Variants in RIMS2 observed in about 807,000 individuals in gnomAD.
RIMS2 encodes regulating synaptic membrane exocytosis 2.
Under a neutral mutation model 174.4 loss-of-function variants are expected in RIMS2, and 59 were observed. The ratio of observed to expected loss-of-function variants is 0.34; its 90% CI spans 0.27 to 0.42. RIMS2 has a LOEUF of 0.42. Ranked by LOEUF, RIMS2 falls within the 10% of genes least tolerant of loss-of-function variation. RIMS2 has a pLI of 1.00. For missense variants in RIMS2, 1,620 were observed against 1,666.3 expected (o/e 0.97, Z 0.48); for synonymous variants, 606 against 572.5 (o/e 1.06, Z -0.84).
At chr8:104,061,025 G>T (rs1305449818) in intron 19 of RIMS2, among the ~76,000 whole-genome samples, 1 of 152,122 alleles carries the variant, frequency 6.6e-6, no homozygotes, top group African/African-American at 2.4e-5. Context: ...GCAGTGTGGT[G>T]CTGAAAAAAA....
intron 1 of RIMS2, among the ~76,000 whole-genome samples, chr8:103,534,473 T>A (rs1028831778): frequency 1.3e-5 from 2 of 152,238 alleles, no homozygotes; most frequent in African/African-American, 4.8e-5. Context: ...AAGGCAAATG[T>A]CTAGAGAAGT....
chr8:103,870,746 A>C (rs1239873904), intron 3 of RIMS2, among the ~76,000 whole-genome samples: 1 of 151,638 alleles, frequency 6.6e-6, no homozygotes, highest in Non-Finnish European at 1.5e-5. Context: ...ATGTTGTTTC[A>C]TTCTCTTCCA....
At chr8:103,532,070 A>G (rs1356932092) in intron 1 of RIMS2, among the ~76,000 whole-genome samples, 6 of 152,256 alleles carry the variant, frequency 3.9e-5, no homozygotes, top group Non-Finnish European at 8.8e-5. Context: ...CTCCCTGATT[A>G]AGTTATGTCA....
At chr8:103,854,493 T>G (rs1375217626) in intron 3 of RIMS2, among the ~76,000 whole-genome samples, 1 of 151,994 alleles carries the variant, frequency 6.6e-6, no homozygotes, top group Non-Finnish European at 1.5e-5. Flanking sequence ...TGGCTGTGGG[T>G]TTGTCATAGA....
chr8:103,944,212 A>G (rs1189618437), intron 14 of RIMS2, among the ~76,000 whole-genome samples: 1 of 152,108 alleles, frequency 6.6e-6, no homozygotes, highest in African/African-American at 2.4e-5. Flanking sequence ...CTCCCCACAT[A>G]GTAAACACCC....
chr8:103,751,806 C>A (rs1164503396), intron 2 of RIMS2, among the ~76,000 whole-genome samples: 1 of 150,618 alleles, frequency 6.6e-6, no homozygotes, highest in Non-Finnish European at 1.5e-5. Context: ...TTGTTTTTTT[C>A]TTGTAAATTT....
At chr8:103,859,308 A>G (rs2099045898) in intron 3 of RIMS2, among the ~76,000 whole-genome samples, 1 of 152,176 alleles carries the variant, frequency 6.6e-6, no homozygotes, top group African/African-American at 2.4e-5. Flanking sequence ...CAATCTGAGT[A>G]ATAAATCTGG....
chr8:103,978,405 A>G (rs1156966076), intron 16 of RIMS2, among the ~76,000 whole-genome samples: 1 of 118,590 alleles, frequency 8.4e-6, no homozygotes, highest in African/African-American at 2.6e-5. Flanking sequence ...AGTGTCATAA[A>G]GGACAAAGAA....
At chr8:104,125,420 ATTCT>A (rs1403159410) in intron 19 of RIMS2, among the ~76,000 whole-genome samples, 1 of 152,128 alleles carries the variant, frequency 6.6e-6, no homozygotes, top group East Asian at 1.9e-4. Context: ...CTTATATCAG[ATTCT>A]TTATGAGGTT....
intron 1 of RIMS2, among the ~76,000 whole-genome samples, chr8:103,601,485 C>G (rs1157787829): frequency 6.9e-6 from 1 of 145,222 alleles, no homozygotes; most frequent in East Asian, 1.9e-4. Flanking sequence ...AATATAGTGA[C>G]TTCTCCTCTT....
chr8:103,741,698 C>G (rs2097763322), intron 2 of RIMS2, among the ~76,000 whole-genome samples: 1 of 152,006 alleles, frequency 6.6e-6, no homozygotes, highest in Non-Finnish European at 1.5e-5. Context: ...TTTTAGCGTC[C>G]CTGCCGATTA....
intron 19 of RIMS2, among the ~76,000 whole-genome samples, chr8:104,147,475 CTT>C (rs891342344): frequency 6.7e-6 from 1 of 149,720 alleles, no homozygotes; most frequent in African/African-American, 2.4e-5. Context: ...ATAGAAAACA[CTT>C]TTTTTTTTCT....
chr8:103,508,324 G>A (rs959696996), intron 1 of RIMS2, among the ~76,000 whole-genome samples: 9 of 152,020 alleles, frequency 5.9e-5, no homozygotes, highest in African/African-American at 2.2e-4. Context: ...AGAGGAGCAC[G>A]TGATTCAGTC....
chr8:104,082,332 A>C (rs541185023), intron 19 of RIMS2, among the ~76,000 whole-genome samples: 1 of 152,158 alleles, frequency 6.6e-6, no homozygotes, highest in Non-Finnish European at 1.5e-5. Flanking sequence ...CATGTACATA[A>C]GTAATGATGG....
At chr8:103,658,721 ACT>A (rs774332309) in intron 1 of RIMS2, among the ~76,000 whole-genome samples, 11 of 152,068 alleles carry the variant, frequency 7.2e-5, no homozygotes, top group Non-Finnish European at 1.5e-4. Context: ...GACTTACCAC[ACT>A]CTTTTCATGA....
intron 11 of RIMS2, among the ~76,000 whole-genome samples, chr8:103,930,199 T>C (rs900129572): frequency 6.6e-6 from 1 of 152,032 alleles, no homozygotes; most frequent in Non-Finnish European, 1.5e-5. Context: ...ATAGAAATAA[T>C]TTTATATACT....
chr8:104,188,583 T>C (rs1476033450), intron 19 of RIMS2, among the ~76,000 whole-genome samples: 1 of 151,800 alleles, frequency 6.6e-6, no homozygotes, highest in African/African-American at 2.4e-5. Flanking sequence ...TATTCAATGT[T>C]TTTTGTAGTA....
chr8:104,199,508 G>C (rs1206158047), intron 19 of RIMS2, among the ~76,000 whole-genome samples: 1 of 152,170 alleles, frequency 6.6e-6, no homozygotes, highest in East Asian at 1.9e-4. Context: ...TCCACCGGCT[G>C]CCACTCAAGT....
At chr8:104,039,108 T>C (rs1410761474) in intron 19 of RIMS2, among the ~76,000 whole-genome samples, 1 of 151,790 alleles carries the variant, frequency 6.6e-6, no homozygotes, top group Non-Finnish European at 1.5e-5. Flanking sequence ...AATGAAAGCA[T>C]TGGTGAATTA....
Sources: gnomAD v4.1 joint callset for allele counts (sites outside exome capture counted in the v4.1 genomes callset) on GRCh38, gnomAD v4.1.1 for gene constraint, MANE v1.5 for transcripts, NCBI Gene and HGNC (gene_info 2026-07-23, HGNC 2026-07-21) for gene names.